The following GREM2 variants were observed in gnomAD, a reference collection of about 807,000 sequenced individuals.
The protein encoded by GREM2 is gremlin-2.
A neutral mutation model predicts 14.2 loss-of-function variants in GREM2; 11 were observed. The ratio of observed to expected loss-of-function variants is 0.78; its 90% CI spans 0.49 to 1.28. GREM2 has a LOEUF of 1.28. Among genes scored for constraint, GREM2 ranks in the 50% most tolerant of loss-of-function variants. The probability of loss-of-function intolerance (pLI) is 0.00; values close to 1 mark genes in which losing one functional copy is unlikely to be tolerated. For synonymous variants in GREM2, 98 were observed against 97.6 expected (o/e 1.00, Z -0.02); for missense variants, 210 against 218.5 (o/e 0.96, Z 0.24).
chr1:240,524,854 A>G (rs528133551), intron 1 of GREM2, among the ~76,000 whole-genome samples: 1 of 152,284 alleles, frequency 6.6e-6, no homozygotes, highest in Admixed American at 6.5e-5. Context: ...CACGAGCCCA[A>G]AGTGACCTCA....
intron 1 of GREM2, among the ~76,000 whole-genome samples, chr1:240,562,448 C>T (rs1434967042): frequency 6.6e-6 from 1 of 152,164 alleles, no homozygotes. Flanking sequence ...GTGCTCTCAG[C>T]GGTTACGATT....
chr1:240,560,443 T>C (rs1347275539), intron 1 of GREM2, among the ~76,000 whole-genome samples: 1 of 151,888 alleles, frequency 6.6e-6, no homozygotes, highest in African/African-American at 2.4e-5. Context: ...CTTGAGAGAG[T>C]GGATTGATTC....
intron 1 of GREM2, among the ~76,000 whole-genome samples, chr1:240,562,780 A>AGTGTGTATGT (rs1558163786): frequency 6.8e-6 from 1 of 148,118 alleles, no homozygotes. Context: ...TGTGTGTATG[A>AGTGTGTATGT]GTGTGTATGT....
At chr1:240,594,557 A>T (rs1679785450) in intron 1 of GREM2, among the ~76,000 whole-genome samples, 1 of 152,204 alleles carries the variant, frequency 6.6e-6, no homozygotes, top group Non-Finnish European at 1.5e-5. Context: ...TTAGTAATCC[A>T]AAAGAAGATT....
intron 1 of GREM2, among the ~76,000 whole-genome samples, chr1:240,502,613 T>A (rs1473858605): frequency 6.6e-6 from 1 of 152,142 alleles, no homozygotes; most frequent in East Asian, 1.9e-4. Context: ...GCACCTCAAA[T>A]TCTATATGTT....
chr1:240,500,871 G>A (rs1677556505), intron 1 of GREM2, among the ~76,000 whole-genome samples: 3 of 152,166 alleles, frequency 2.0e-5, no homozygotes, highest in Admixed American at 1.3e-4. Context: ...GAGGCACCGG[G>A]CGGTGGAAAT....
At chr1:240,533,912 C>T (rs548086499) in intron 1 of GREM2, among the ~76,000 whole-genome samples, 187 of 152,218 alleles carry the variant, frequency 1.2e-3, no homozygotes, top group African/African-American at 4.3e-3. Context: ...TTGCCTGTGA[C>T]GTTTAGTTCA....
chr1:240,549,695 G>A (rs949395323), intron 1 of GREM2, among the ~76,000 whole-genome samples: 3 of 152,246 alleles, frequency 2.0e-5, no homozygotes, highest in Non-Finnish European at 2.9e-5. Context: ...CTGAAGCTAC[G>A]GTGATGTGCT....
intron 1 of GREM2, among the ~76,000 whole-genome samples, chr1:240,553,914 T>A (rs966792829): frequency 1.3e-5 from 2 of 152,182 alleles, no homozygotes; most frequent in African/African-American, 4.8e-5. Flanking sequence ...TAGGTATGTA[T>A]GAATGAAATC....
chr1:240,541,961 A>G (rs1337412497), intron 1 of GREM2, among the ~76,000 whole-genome samples: 1 of 151,844 alleles, frequency 6.6e-6, no homozygotes, highest in African/African-American at 2.4e-5. Context: ...TCTACTCTGT[A>G]CTCCATTTCT....
chr1:240,610,059 G>T (rs1680103411), intron 1 of GREM2, among the ~76,000 whole-genome samples: 1 of 151,968 alleles, frequency 6.6e-6, no homozygotes, highest in African/African-American at 2.4e-5. Context: ...TATACAAAGT[G>T]AATATAATCC....
In GREM2 at chr1:240,510,294, G is replaced by C. The variant is rs374179911; in HGVS notation, c.-1-16818C>G. Reference sequence around the variant, plus strand: ...CTGAGGCAGGAGAATGGCGTGAACCGGGGAGGCGGAGCTTGCACTGAGCAG... The same window carrying C: ...CTGAGGCAGGAGAATGGCGTGAACCCGGGAGGCGGAGCTTGCACTGAGCAG... On this transcript the variant is annotated intron_variant, in intron 1 of 1. Transcript: ENST00000318160. Among the ~76,000 whole-genome samples, 276 of 142,256 alleles carry C rather than the reference G, an allele frequency of 1.9e-3. 1 individual carries two copies. The highest frequency in any genetic ancestry group is 8.3e-3 in the Middle Eastern group (2 of 242). The allele number at this position is 142,256 out of a possible 152,430, so 93.3% of individuals were successfully genotyped here. A position where few individuals can be genotyped will look rare whatever the true frequency, so the allele number is the denominator to read the frequency against.
At chr1:240,525,833 G>T (rs1385243419) in intron 1 of GREM2, among the ~76,000 whole-genome samples, 1 of 152,140 alleles carries the variant, frequency 6.6e-6, no homozygotes, top group Non-Finnish European at 1.5e-5. Flanking sequence ...GGGTCTCACT[G>T]GGCTGGAATC....
At chr1:240,517,127 A>T (rs1002581320) in intron 1 of GREM2, among the ~76,000 whole-genome samples, 1 of 152,356 alleles carries the variant, frequency 6.6e-6, no homozygotes, top group South Asian at 2.1e-4. Context: ...AAAACAAAAC[A>T]AAACCATGAA....
chr1:240,553,451 A>G (rs1355403735), intron 1 of GREM2, among the ~76,000 whole-genome samples: 1 of 152,196 alleles, frequency 6.6e-6, no homozygotes, highest in African/African-American at 2.4e-5. Flanking sequence ...CTACATACTC[A>G]TCAATTGTCA....
At chr1:240,519,443 T>C (rs1678029645) in intron 1 of GREM2, among the ~76,000 whole-genome samples, 1 of 152,172 alleles carries the variant, frequency 6.6e-6, no homozygotes, top group Admixed American at 6.5e-5. Context: ...ACCACCGTTT[T>C]CCAAAAATAA....
At chr1:240,602,275 T>A (rs1264666966) in intron 1 of GREM2, among the ~76,000 whole-genome samples, 3 of 152,206 alleles carry the variant, frequency 2.0e-5, no homozygotes, top group Non-Finnish European at 4.4e-5. Flanking sequence ...TTTATTTGGG[T>A]ACTTAGTGGG....
At chr1:240,579,634 ATC>A (rs1679445406) in intron 1 of GREM2, among the ~76,000 whole-genome samples, 1 of 152,186 alleles carries the variant, frequency 6.6e-6, no homozygotes, top group African/African-American at 2.4e-5. Flanking sequence ...GGGTGTGAAC[ATC>A]TCTCTACATG....
chr1:240,600,045 T>C lies in GREM2; in HGVS notation c.-2+11839A>G, dbSNP rs540611528. On this transcript the variant is annotated intron_variant, in intron 1 of 1. Coordinates refer to ENST00000318160, the MANE Select transcript of GREM2 (RefSeq NM_022469.4). The stretch of plus-strand genomic sequence containing the variant: ...GTGTAATCTATCTTGCAACACTTCA[T>C]GTACCGTTGGTTTAGGGTCAGCCTA... 2.0e-5 allele frequency among the ~76,000 whole-genome samples: 3 copies of C among 152,312 alleles called. No homozygotes were observed. The East Asian group carries it at 5.8e-4, about 29-fold the overall frequency.
Sources: gnomAD v4.1 joint callset for allele counts (sites outside exome capture counted in the v4.1 genomes callset) on GRCh38, gnomAD v4.1.1 for gene constraint, MANE v1.5 for transcripts, NCBI Gene and HGNC (gene_info 2026-07-23, HGNC 2026-07-21) for gene names.